The following FIRRM variants were observed in gnomAD, a reference collection of about 807,000 sequenced individuals.
The protein encoded by FIRRM is FIGNL1-interacting regulator of recombination and mitosis.
the FIRRM span, among the ~76,000 whole-genome samples, chr1:169,848,358 A>C: frequency 6.6e-6 from 1 of 152,202 alleles, no homozygotes; most frequent in Non-Finnish European, 1.5e-5. Context: ...AGAGATCTTC[A>C]TAAATTGAGA....
chr1:169,808,608 GTTTT>G, the FIRRM span, among the ~76,000 whole-genome samples: 3 of 142,394 alleles, frequency 2.1e-5, no homozygotes, highest in Non-Finnish European at 3.0e-5. Flanking sequence ...TATGTCATTT[GTTTT>G]TTTTTTTTTT....
chr1:169,839,099 A>G, the FIRRM span, among the ~76,000 whole-genome samples: 2 of 152,130 alleles, frequency 1.3e-5, no homozygotes, highest in Non-Finnish European at 2.9e-5. Flanking sequence ...GTTGCTGCAA[A>G]GGACATGATT....
the FIRRM span, among the ~76,000 whole-genome samples, chr1:169,815,866 G>A: frequency 6.6e-6 from 1 of 152,304 alleles, no homozygotes; most frequent in Admixed American, 6.5e-5. Context: ...CCTAAGGGTT[G>A]TAGAGGGACA....
chr1:169,851,771 G>A, the FIRRM span: 2 of 1,599,696 alleles, frequency 1.3e-6, no homozygotes, highest in Non-Finnish European at 1.7e-6. Flanking sequence ...ATCTAGTAGA[G>A]TGCTAACATG....
the FIRRM span, among the ~76,000 whole-genome samples, chr1:169,836,066 T>C: frequency 6.6e-6 from 1 of 152,060 alleles, no homozygotes; most frequent in Middle Eastern, 3.4e-3. Context: ...TTTTTTTTTT[T>C]TTTTTGGTGG....
At chr1:169,842,125 G>A in the FIRRM span, among the ~76,000 whole-genome samples, 3 of 150,362 alleles carry the variant, frequency 2.0e-5, no homozygotes, top group Admixed American at 1.3e-4. Context: ...GCAGTGAGCC[G>A]AGATTGCACC....
chr1:169,852,757 G>A, the FIRRM span: 1 of 1,602,114 alleles, frequency 6.2e-7, no homozygotes, highest in South Asian at 1.1e-5. Flanking sequence ...ATTTAGAATG[G>A]ATATTGTGAT....
the FIRRM span, chr1:169,795,103 A>T: frequency 6.5e-7 from 1 of 1,535,496 alleles, no homozygotes; most frequent in Non-Finnish European, 8.7e-7. Context: ...TGACGAAAGT[A>T]TGTCTCAGGA....
the FIRRM span, chr1:169,830,637 A>G: frequency 1.2e-5 from 18 of 1,512,804 alleles, no homozygotes; most frequent in Non-Finnish European, 1.5e-5. Flanking sequence ...ATGCAAGTTC[A>G]TCTCCTTATG....
the FIRRM span, among the ~76,000 whole-genome samples, chr1:169,817,738 TTTTAATCAGTATAAAA>T: frequency 1.3e-5 from 2 of 152,182 alleles, no homozygotes; most frequent in East Asian, 1.9e-4. Context: ...ATCTATCTAA[TTTTAATCAGTATAAAA>T]TTTAATCAGT....
chr1:169,837,803 G>C, the FIRRM span, among the ~76,000 whole-genome samples: 66 of 152,306 alleles, frequency 4.3e-4, 1 homozygote, highest in East Asian at 0.012. Context: ...GCAAAGATAA[G>C]GATAGGGCAT....
the FIRRM span, among the ~76,000 whole-genome samples, chr1:169,838,928 C>CATCT: frequency 6.3e-3 from 954 of 152,192 alleles, 9 homozygotes; most frequent in African/African-American, 0.022. Context: ...CAACCCTTAC[C>CATCT]ATCTCTCCTC....
the FIRRM span, among the ~76,000 whole-genome samples, chr1:169,810,834 ATTTTTTTTTTTT>A: frequency 1.3e-3 from 77 of 61,194 alleles, no homozygotes; most frequent in East Asian, 0.021. Flanking sequence ...TTAGCCCCCA[ATTTTTTTTTTTT>A]TTTTTTTTTT....
At chr1:169,793,715 A>T in the FIRRM span, 1 of 1,541,030 alleles carries the variant, frequency 6.5e-7, no homozygotes, top group Non-Finnish European at 8.7e-7. Context: ...AAATGCACAC[A>T]ATCTTTAAAT....
chr1:169,789,847 G>A, the FIRRM span, among the ~76,000 whole-genome samples: 1 of 152,118 alleles, frequency 6.6e-6, no homozygotes, highest in African/African-American at 2.4e-5. Context: ...TCAGAAAATA[G>A]GTGAATAAAT....
At chr1:169,815,511 A>G in the FIRRM span, among the ~76,000 whole-genome samples, 1 of 152,118 alleles carries the variant, frequency 6.6e-6, no homozygotes, top group South Asian at 2.1e-4. Flanking sequence ...TTGCCAGGGT[A>G]TTTGTAAACT....
the FIRRM span, chr1:169,802,670 G>A: frequency 6.2e-7 from 1 of 1,613,426 alleles, no homozygotes; most frequent in Non-Finnish European, 8.5e-7. Flanking sequence ...AGTCAAGCCA[G>A]AGGACTGTCA....
At chr1:169,804,074 G>T in the FIRRM span, 1 of 1,455,998 alleles carries the variant, frequency 6.9e-7, no homozygotes, top group Non-Finnish European at 9.1e-7. Flanking sequence ...TCCGTAATCA[G>T]AATAGTGAAT....
chr1:169,852,534 C>T, the FIRRM span: 3 of 476,422 alleles, frequency 6.3e-6, no homozygotes, highest in Non-Finnish European at 1.1e-5. Context: ...TCATTGGGAG[C>T]CCTTTGGGAC....
Sources: gnomAD v4.1 joint callset for allele counts (sites outside exome capture counted in the v4.1 genomes callset) on GRCh38, gnomAD v4.1.1 for gene constraint, MANE v1.5 for transcripts, NCBI Gene and HGNC (gene_info 2026-07-23, HGNC 2026-07-21) for gene names.